Variants in R3HDM2 observed in about 807,000 individuals in gnomAD.
R3HDM2 encodes the protein R3H domain containing 2.
In R3HDM2, 38 loss-of-function variants were observed where a neutral mutation model predicts 124.5. The observed-to-expected ratio is 0.31, with a 90% CI of 0.24 to 0.40. The LOEUF (loss-of-function observed/expected upper bound fraction) is 0.40. Among genes scored for constraint, R3HDM2 ranks in the 10% least tolerant of loss-of-function variants. The pLI, the probability that R3HDM2 is intolerant of heterozygous loss-of-function variation, is 1.00. For missense variants in R3HDM2, 869 were observed against 1,236.9 expected, an observed-to-expected ratio of 0.70 and a Z score of 4.46; for synonymous variants, 391 against 448.0, an observed-to-expected ratio of 0.87 and a Z score of 1.61.
chr12:57,273,897 A>T (rs550176785), intron 14 of R3HDM2, among the ~76,000 whole-genome samples: 2 of 152,282 alleles, frequency 1.3e-5, no homozygotes, highest in South Asian at 4.1e-4. Flanking sequence ...CAAAGAGGAG[A>T]ATACTCTGGA....
At chr12:57,307,342 G>A (rs1457726188) in intron 3 of R3HDM2, among the ~76,000 whole-genome samples, 3 of 151,538 alleles carry the variant, frequency 2.0e-5, no homozygotes, top group Non-Finnish European at 1.5e-5. Context: ...TTTTTGAGAC[G>A]GGGTCTCACT....
At chr12:57,366,393 G>C (rs1293126658) in intron 2 of R3HDM2, among the ~76,000 whole-genome samples, 1 of 152,086 alleles carries the variant, frequency 6.6e-6, no homozygotes, top group East Asian at 1.9e-4. Flanking sequence ...TTTTTCTTCT[G>C]CTGTGCCGAT....
At chr12:57,345,865 C>A (rs1282011047) in intron 2 of R3HDM2, among the ~76,000 whole-genome samples, 7 of 152,076 alleles carry the variant, frequency 4.6e-5, no homozygotes, top group Non-Finnish European at 2.9e-5. Flanking sequence ...TTATCAAAAA[C>A]CAGGAGAATG....
intron 15 of R3HDM2, 140 bp from the exon 16 acceptor site, chr12:57,269,589 G>A: frequency 6.9e-7 from 1 of 1,450,168 alleles, no homozygotes; most frequent in Non-Finnish European, 9.3e-7. Context: ...AGTAAAACAA[G>A]GATTTATGTT....
chr12:57,371,158 GCAAA>G (rs1478792425), intron 2 of R3HDM2, among the ~76,000 whole-genome samples: 1 of 120,840 alleles, frequency 8.3e-6, no homozygotes, highest in Non-Finnish European at 1.6e-5. Context: ...ACTAGGGCAG[GCAAA>G]CAAAGTTTTA....
chr12:57,273,226 C>A (rs554438399), intron 14 of R3HDM2, among the ~76,000 whole-genome samples: 1 of 152,290 alleles, frequency 6.6e-6, no homozygotes, highest in Admixed American at 6.5e-5. Flanking sequence ...CTCCACCCCC[C>A]AAGCAAACAG....
At chr12:57,365,055 G>A (rs372014843) in intron 2 of R3HDM2, among the ~76,000 whole-genome samples, 1 of 151,634 alleles carries the variant, frequency 6.6e-6, no homozygotes, top group African/African-American at 2.4e-5. Flanking sequence ...CTGAGGTCAG[G>A]AGTTCAAGAT....
At chr12:57,373,430 C>G (rs965780273) in intron 2 of R3HDM2, among the ~76,000 whole-genome samples, 2 of 151,896 alleles carry the variant, frequency 1.3e-5, no homozygotes, top group African/African-American at 4.8e-5. Context: ...ACCCCAGAGG[C>G]GGAGCTTGCA....
intron 9 of R3HDM2, among the ~76,000 whole-genome samples, chr12:57,295,995 G>A (rs1452140579): frequency 6.6e-6 from 1 of 151,824 alleles, no homozygotes; most frequent in Non-Finnish European, 1.5e-5. Context: ...TCAGCCTCCC[G>A]AGTAGCTGGG....
intron 1 of R3HDM2, chr12:57,415,296 G>C (rs540358643): frequency 6.6e-6 from 1 of 152,246 alleles, no homozygotes; most frequent in South Asian, 2.1e-4. Flanking sequence ...AGCACCAGTG[G>C]TGCTCGCTTC....
intron 3 of R3HDM2, 24 bp downstream of exon 3, chr12:57,310,240 A>G (rs1051765200): frequency 1.3e-6 from 2 of 1,484,532 alleles, no homozygotes; most frequent in Admixed American, 2.4e-5. Context: ...AAAAGTGTGC[A>G]TACAATGCAT....
rs1845750709 is a variant in R3HDM2, at chr12:57,254,243, G to T, written c.*530C>A. ...AAGCCAGGCACAGTGGCTCACGCCTGTAATCCCAGCACTCTGGAAGGCCAA... is the reference window on the plus strand; with the variant it reads ...AAGCCAGGCACAGTGGCTCACGCCTTTAATCCCAGCACTCTGGAAGGCCAA... On this transcript the variant is annotated 3_prime_UTR_variant, in exon 24 of 24. Coordinates refer to ENST00000402412, the MANE Select transcript of R3HDM2 (RefSeq NM_001394031.1). 2.2e-6 allele frequency: 1 copy of T among 454,828 alleles called. No individual in the cohort carries two copies. The highest frequency in any genetic ancestry group is 4.4e-6 in the Non-Finnish European group (1 of 226,750). The allele number at this position is 454,828 out of a possible 1,614,324, so 28.2% of individuals were successfully genotyped here.
intron 2 of R3HDM2, among the ~76,000 whole-genome samples, chr12:57,334,300 T>C (rs1593444937): frequency 6.6e-6 from 1 of 152,186 alleles, no homozygotes; most frequent in South Asian, 2.1e-4. Context: ...TATTTCACAG[T>C]TTCTATATAC....
At position 57,342,651 on chromosome 12, in the gene R3HDM2, G is replaced by A. The variant is rs116403085; in HGVS notation, c.-35-32188C>T. ...GCAGCTCCTTTCTGCTACATATGTC[G>A]AAATACCAAAATAGTCTCTTTAGTG... On this transcript the variant is annotated intron_variant, in intron 2 of 23. Coordinates refer to ENST00000402412, the MANE Select transcript of R3HDM2 (RefSeq NM_001394031.1). Among the ~76,000 whole-genome samples the A allele has an allele frequency of 5.1e-3, 777 of 152,204 alleles. 9 individuals carry two copies. Among genetic ancestry groups the A allele is most frequent in the African/African-American group, 0.017 (723 of 41,500 alleles).
rs775839017 is a variant in R3HDM2 at position 57,371,083 on chromosome 12, CTTTTTTTTTTTTTTTTT to C, written c.-36+24649_-36+24665del. ...AATGGGAACCAAATATATACCATTACTTTTTTTTTTTTTTTTTTTTTTTTTTTTTTAAGATACACACA... is the reference window on the plus strand; with the variant it reads ...AATGGGAACCAAATATATACCATTACTTTTTTTTTTTTTAAGATACACACA... On this transcript the variant is annotated intron_variant, in intron 2 of 23. Transcript: ENST00000402412. Among the ~76,000 whole-genome samples, 36 of 40,898 alleles carry C rather than the reference CTTTTTTTTTTTTTTTTT, an allele frequency of 8.8e-4. 1 individual carries two copies. The highest frequency in any genetic ancestry group is 3.0e-3 in the African/African-American group (35 of 11,694). 26.8% of individuals were successfully genotyped at this position (40,898 alleles called of 152,430 possible).
At chr12:57,277,397 G>A (rs1194253901) in intron 14 of R3HDM2, among the ~76,000 whole-genome samples, 2 of 152,094 alleles carry the variant, frequency 1.3e-5, no homozygotes, top group African/African-American at 2.4e-5. Flanking sequence ...CCTGGGGCAA[G>A]TGCCTTGTGT....
At chr12:57,261,999 A>G (rs2040984508) in intron 19 of R3HDM2, among the ~76,000 whole-genome samples, 1 of 152,140 alleles carries the variant, frequency 6.6e-6, no homozygotes, top group South Asian at 2.1e-4. Context: ...CAAACAGATG[A>G]CATTTATGTC....
intron 1 of R3HDM2, among the ~76,000 whole-genome samples, chr12:57,400,250 C>T (rs1347368034): frequency 6.6e-6 from 1 of 152,024 alleles, no homozygotes; most frequent in African/African-American, 2.4e-5. Context: ...TACTATGCAG[C>T]CATAAAAAAA....
At chr12:57,391,978 A>G (rs1242346398) in intron 2 of R3HDM2, among the ~76,000 whole-genome samples, 1 of 152,206 alleles carries the variant, frequency 6.6e-6, no homozygotes, top group Non-Finnish European at 1.5e-5. Context: ...CCTGGCCAAC[A>G]TGGCAAAATC....
Sources: gnomAD v4.1 joint callset for allele counts (sites outside exome capture counted in the v4.1 genomes callset) on GRCh38, gnomAD v4.1.1 for gene constraint, MANE v1.5 for transcripts, NCBI Gene and HGNC (gene_info 2026-07-23, HGNC 2026-07-21) for gene names.